Variants in ITGAL observed in about 807,000 individuals in gnomAD.
The protein encoded by ITGAL is integrin alpha-L.
ITGAL carries 68 observed loss-of-function variants against 138.4 expected under a neutral mutation model. The observed-to-expected ratio is 0.49, with a 90% CI of 0.40 to 0.60. The LOEUF is 0.60. ITGAL is among the 20% of genes least tolerant of loss of function. ITGAL has a pLI of 0.00. For missense variants in ITGAL, 1,256 were observed against 1,478.6 expected (o/e 0.85, Z 2.47); for synonymous variants, 561 against 584.3 (o/e 0.96, Z 0.57).
intron 11 of ITGAL, among the ~76,000 whole-genome samples, chr16:30,491,316 T>C (rs891146947): frequency 3.3e-5 from 5 of 150,740 alleles, no homozygotes; most frequent in Non-Finnish European, 7.4e-5. Context: ...TAGGAGAATC[T>C]CTTGAACTCT....
At chr16:30,497,698 T>C (rs2050822799) in intron 15 of ITGAL, among the ~76,000 whole-genome samples, 1 of 151,774 alleles carries the variant, frequency 6.6e-6, no homozygotes, top group Non-Finnish European at 1.5e-5. Flanking sequence ...AGGCTGGTTT[T>C]GAACTCCTGA....
chr16:30,479,861 G>A (rs1400705424), intron 6 of ITGAL, among the ~76,000 whole-genome samples: 1 of 151,990 alleles, frequency 6.6e-6, no homozygotes, highest in Non-Finnish European at 1.5e-5. Context: ...CATGTTGCCA[G>A]GCTGGTCTTG....
At position 30,484,106 on chromosome 16, in the gene ITGAL, C is replaced by A. The variant is rs2151147322; in HGVS notation, c.856-7C>A. 6.2e-7 allele frequency: 1 copy of A among 1,613,010 alleles called. No individual in the cohort carries two copies. Among genetic ancestry groups the A allele is most frequent in the Non-Finnish European group, 8.5e-7 (1 of 1,179,300 alleles). On this transcript the variant is annotated splice_region_variant and splice_polypyrimidine_tract_variant and intron_variant, in intron 8 of 30. Transcript: ENST00000356798. ...ATTTCAGCTCTTCACTCTCCACTCC[C>A]TCACAGATTGGAAAGCATTTTCAGA... is the stretch of plus-strand genomic sequence containing the variant.
In ITGAL at chr16:30,490,683, G is replaced by A. The variant is rs979785303; in HGVS notation, c.1213+1297G>A. Among the ~76,000 whole-genome samples the A allele has an allele frequency of 6.6e-5, 10 of 152,062 alleles. 1 individual carries two copies. Among genetic ancestry groups the A allele is most frequent in the Admixed American group, 6.6e-4 (10 of 15,224 alleles). ...TCCCAGGCACATTTTAAAACAACCTGCCTTATTAGTAAGAGGACTGGCCAC... is the reference window on the plus strand; with the variant it reads ...TCCCAGGCACATTTTAAAACAACCTACCTTATTAGTAAGAGGACTGGCCAC... On this transcript the variant is annotated intron_variant, in intron 11 of 30. Coordinates refer to ENST00000356798, the MANE Select transcript of ITGAL (RefSeq NM_002209.3).
intron 19 of ITGAL, 32 bp from the exon 20 acceptor site, chr16:30,505,357 A>G: frequency 6.2e-7 from 1 of 1,613,476 alleles, no homozygotes; most frequent in Non-Finnish European, 8.5e-7. Context: ...TCCTGATCTG[A>G]GCCTGTTACT....
chr16:30,490,919 G>A (rs1308827133), intron 11 of ITGAL, among the ~76,000 whole-genome samples: 1 of 150,892 alleles, frequency 6.6e-6, no homozygotes, highest in African/African-American at 2.4e-5. Context: ...ACAGTGAGCC[G>A]AGATTGCACT....
At chr16:30,480,235 A>G (rs944959375) in intron 6 of ITGAL, among the ~76,000 whole-genome samples, 7 of 152,082 alleles carry the variant, frequency 4.6e-5, no homozygotes, top group African/African-American at 1.7e-4. Context: ...GTGCCCAGCT[A>G]GTTCTCATTT....
Position 30,521,680 on chromosome 16 carries a change from G to A in ITGAL, c.*15G>A. ...GCAAGGACTGAGTCCAGGCCTGTGA[G>A]GTGCAGAGTGCCCAGAACTGGACTC... is the stretch of plus-strand genomic sequence containing the variant. On this transcript the variant is annotated 3_prime_UTR_variant, in exon 31 of 31. Coordinates refer to ENST00000356798, the MANE Select transcript of ITGAL (RefSeq NM_002209.3). The A allele has an allele frequency of 6.2e-7, 1 of 1,611,544 alleles. No individual in the cohort carries two copies. The highest frequency in any genetic ancestry group is 1.1e-5 in the South Asian group (1 of 90,946).
At chr16:30,478,658 A>T (rs1209698523) in intron 4 of ITGAL, among the ~76,000 whole-genome samples, 1 of 147,732 alleles carries the variant, frequency 6.8e-6, no homozygotes, top group Non-Finnish European at 1.5e-5. Flanking sequence ...AGATCATGCC[A>T]TGCAGTCCAG....
chr16:30,518,802 CT>C, intron 29 of ITGAL, 83 bp downstream of exon 29: 1 of 1,012,276 alleles, frequency 9.9e-7, no homozygotes, highest in Non-Finnish European at 1.6e-6. Flanking sequence ...TGTGGGAGAG[CT>C]CCTGGGCTCT....
chr16:30,494,690 C>A lies in ITGAL; in HGVS notation c.1366-23C>A. ...CCTGCTGTTCCCACAGGCGCTTCCC[C>A]AAACACCTGCCTCTCCCCACAGATT... On this transcript the variant is annotated intron_variant, in intron 12 of 30. Transcript: ENST00000356798. This position sits in a 1 kb window ranked among gnomAD's most constrained non-coding sequence, Gnocchi z 4.2. 1 of 1,587,500 alleles carries A rather than the reference C, an allele frequency of 6.3e-7. No individual in the cohort carries two copies. Among genetic ancestry groups the A allele is most frequent in the Middle Eastern group, 2.0e-4 (1 of 4,984 alleles).
intron 7 of ITGAL, 37 bp from the exon 8 acceptor site, chr16:30,483,790 T>C (rs1197909391): frequency 6.3e-7 from 1 of 1,579,784 alleles, no homozygotes; most frequent in Non-Finnish European, 8.6e-7. Context: ...GGCCCTAGTT[T>C]GGGGGAGTCT....
Position 30,516,996 on chromosome 16 carries a change from C to T in ITGAL, c.2886C>T (p.His962=), listed in dbSNP as rs770165710. Residue 962 remains histidine (H), a synonymous_variant, in exon 26 of 31, where the codon CAC becomes CAT. Transcript: ENST00000356798. ...MYQVRIQPSI[H]DHNIPTLEAV... ...AGGTGAGGATCCAGCCTTCCATCCA[C>T]GACCACAACATACCCACCCTGGAGG... The T allele has an allele frequency of 1.9e-5, 31 of 1,613,556 alleles. 1 individual carries two copies. Among genetic ancestry groups the T allele is most frequent in the South Asian group, 9.9e-5 (9 of 91,090 alleles).
At chr16:30,473,934 C>G in intron 1 of ITGAL, 1 of 614,920 alleles carries the variant, frequency 1.6e-6, no homozygotes, top group Non-Finnish European at 3.0e-6. Flanking sequence ...CTCTCTGGAG[C>G]CTCTAACTTC....
At chr16:30,514,642 T>G (rs2051140301) in intron 25 of ITGAL, among the ~76,000 whole-genome samples, 1 of 152,024 alleles carries the variant, frequency 6.6e-6, no homozygotes, top group South Asian at 2.1e-4. Flanking sequence ...CAGGCTGGTC[T>G]GGAACTCCTG....
intron 25 of ITGAL, among the ~76,000 whole-genome samples, chr16:30,514,255 C>T (rs2051133425): frequency 6.6e-6 from 1 of 151,950 alleles, no homozygotes. Context: ...AGATTACAGG[C>T]ATCCACCACC....
intron 23 of ITGAL, 42 bp downstream of exon 23, chr16:30,511,002 T>G (rs1232593012): frequency 6.2e-7 from 1 of 1,612,866 alleles, no homozygotes; most frequent in East Asian, 2.2e-5. Flanking sequence ...GTCTCAGACC[T>G]GGCCAAGCCC....
intron 11 of ITGAL, among the ~76,000 whole-genome samples, chr16:30,492,769 C>T (rs543427937): frequency 1.0e-3 from 159 of 151,916 alleles, no homozygotes; most frequent in African/African-American, 3.7e-3. Flanking sequence ...TGGTCTCGAT[C>T]TCCTGACCTC....
At chr16:30,516,936 G>A (rs1333094688) in intron 25 of ITGAL, 37 bp from the exon 26 acceptor site, 1 of 1,442,686 alleles carries the variant, frequency 6.9e-7, no homozygotes, top group Non-Finnish European at 9.8e-7. Context: ...GGGGTGGCTG[G>A]CATTCAGGGC....
Sources: allele counts gnomAD v4.1 joint callset (sites outside exome capture counted in the v4.1 genomes callset), GRCh38; gene constraint gnomAD v4.1.1; non-coding constraint Gnocchi (gnomAD v3.1); transcripts MANE v1.5; gene names NCBI Gene and HGNC (gene_info 2026-07-23, HGNC 2026-07-21).